The following HTR1F variants were observed in gnomAD, a reference collection of about 807,000 sequenced individuals.
The protein encoded by HTR1F is 5-hydroxytryptamine receptor 1F.
Under a neutral mutation model 24.0 loss-of-function variants are expected in HTR1F, and 17 were observed. The ratio of observed to expected loss-of-function variants is 0.71; its 90% CI spans 0.48 to 1.06. HTR1F has a LOEUF of 1.06. HTR1F is among the 50% of genes least tolerant of loss of function. HTR1F has a pLI of 0.00. For missense variants in HTR1F, 391 were observed against 427.8 expected, an observed-to-expected ratio of 0.91 and a Z score of 0.76; for synonymous variants, 186 against 156.8, an observed-to-expected ratio of 1.19 and a Z score of -1.39.
chr3:87,800,410 T>G (rs1184669547), intron 1 of HTR1F, among the ~76,000 whole-genome samples: 1 of 152,226 alleles, frequency 6.6e-6, no homozygotes, highest in African/African-American at 2.4e-5. Context: ...TGGCAAATTC[T>G]TAGTCATTTG....
At position 87,851,599 on chromosome 3, in the gene HTR1F, A is replaced by C. The variant is rs181635716; in HGVS notation, c.-43+29475A>C. ...CCAACTATGCTAACTCAATCTTTTT[A>C]ATGACAGTCTAATATTCCATGCTGT... is the stretch of plus-strand genomic sequence containing the variant. On this transcript the variant is annotated intron_variant, in intron 2 of 2. Coordinates refer to ENST00000319595, the MANE Select transcript of HTR1F (RefSeq NM_001322209.2). Among the ~76,000 whole-genome samples the C allele has an allele frequency of 1.5e-3, 222 of 151,732 alleles. 4 individuals are homozygous for C. Among genetic ancestry groups the C allele is most frequent in the African/African-American group, 5.2e-3 (213 of 41,274 alleles).
At chr3:87,930,379 C>A (rs369515158) in intron 2 of HTR1F, among the ~76,000 whole-genome samples, 1 of 152,174 alleles carries the variant, frequency 6.6e-6, no homozygotes, top group Non-Finnish European at 1.5e-5. Context: ...AAGGGAAATG[C>A]TTCCAGCTTT....
At chr3:87,847,380 T>G (rs1704968642) in intron 2 of HTR1F, among the ~76,000 whole-genome samples, 1 of 151,958 alleles carries the variant, frequency 6.6e-6, no homozygotes, top group South Asian at 2.1e-4. Context: ...TTTTGAAAAT[T>G]TTATATATCT....
intron 2 of HTR1F, among the ~76,000 whole-genome samples, chr3:87,954,763 G>A (rs1316860579): frequency 6.6e-6 from 1 of 151,494 alleles, no homozygotes; most frequent in African/African-American, 2.4e-5. Flanking sequence ...GTGGAATAAT[G>A]GAAGTAATAA....
At chr3:87,894,564 T>A (rs1221166883) in intron 2 of HTR1F, among the ~76,000 whole-genome samples, 1 of 139,536 alleles carries the variant, frequency 7.2e-6, no homozygotes, top group Non-Finnish European at 1.6e-5. Flanking sequence ...AGCCTCTTTT[T>A]TTTTTTTTTT....
At chr3:87,975,042 T>C (rs1705364782) in intron 2 of HTR1F, among the ~76,000 whole-genome samples, 1 of 152,160 alleles carries the variant, frequency 6.6e-6, no homozygotes, top group Non-Finnish European at 1.5e-5. Flanking sequence ...TATAATTTTA[T>C]CTAAAACATA....
At chr3:87,967,872 G>A (rs182474489) in intron 2 of HTR1F, among the ~76,000 whole-genome samples, 101 of 152,274 alleles carry the variant, frequency 6.6e-4, no homozygotes, top group African/African-American at 2.4e-3. Flanking sequence ...AGTATAGTAG[G>A]GCGCAGCTGT....
chr3:87,794,849 T>C (rs1479857827), intron 1 of HTR1F, among the ~76,000 whole-genome samples: 1 of 152,172 alleles, frequency 6.6e-6, no homozygotes, highest in Non-Finnish European at 1.5e-5. Flanking sequence ...AGTTATATTG[T>C]TTTTATTGTT....
At chr3:87,990,505 T>C (rs1359121139) in intron 2 of HTR1F, among the ~76,000 whole-genome samples, 1 of 152,242 alleles carries the variant, frequency 6.6e-6, no homozygotes, top group African/African-American at 2.4e-5. Context: ...AGAAATGTTT[T>C]GGAAGTTACT....
At chr3:87,796,546 G>A (rs1703909095) in intron 1 of HTR1F, among the ~76,000 whole-genome samples, 1 of 152,150 alleles carries the variant, frequency 6.6e-6, no homozygotes, top group South Asian at 2.1e-4. Flanking sequence ...TTCTAGAGCA[G>A]TCCAAAATAT....
intron 1 of HTR1F, among the ~76,000 whole-genome samples, chr3:87,796,121 C>T (rs1232783836): frequency 6.6e-6 from 1 of 152,134 alleles, no homozygotes; most frequent in Admixed American, 6.5e-5. Flanking sequence ...CAGGCAGTCA[C>T]TAGTGTTTGC....
intron 2 of HTR1F, among the ~76,000 whole-genome samples, chr3:87,858,092 G>C (rs1365059229): frequency 6.6e-6 from 1 of 152,104 alleles, no homozygotes; most frequent in African/African-American, 2.4e-5. Context: ...CTCTACCCTA[G>C]TCCCACAAAC....
chr3:87,841,711 C>T (rs2938281), intron 2 of HTR1F, among the ~76,000 whole-genome samples: 9,843 of 151,256 alleles, frequency 0.065, 1,101 homozygotes, highest in African/African-American at 0.22. Flanking sequence ...ACCAGCCTGG[C>T]CGACATGGTG....
chr3:87,955,147 C>A (rs1355186220), intron 2 of HTR1F, among the ~76,000 whole-genome samples: 1 of 151,408 alleles, frequency 6.6e-6, no homozygotes, highest in South Asian at 2.1e-4. Flanking sequence ...GAAGCCACCA[C>A]CATAATCAAA....
At chr3:87,833,599 T>G (rs1704625115) in intron 2 of HTR1F, among the ~76,000 whole-genome samples, 1 of 152,104 alleles carries the variant, frequency 6.6e-6, no homozygotes, top group South Asian at 2.1e-4. Flanking sequence ...ATTCCTGGGC[T>G]CAAGGGATCC....
intron 1 of HTR1F, among the ~76,000 whole-genome samples, chr3:87,806,066 C>T (rs1007755725): frequency 3.3e-5 from 5 of 152,068 alleles, no homozygotes; most frequent in African/African-American, 1.2e-4. Flanking sequence ...CAGTTCCATG[C>T]ACATGACTGC....
chr3:87,932,703 A>G (rs1167890234), intron 2 of HTR1F, among the ~76,000 whole-genome samples: 1 of 151,936 alleles, frequency 6.6e-6, no homozygotes, highest in Non-Finnish European at 1.5e-5. Context: ...AAATTGTGGC[A>G]ATAATCAATA....
intron 1 of HTR1F, among the ~76,000 whole-genome samples, chr3:87,819,781 A>G (rs1704319298): frequency 6.6e-6 from 1 of 151,998 alleles, no homozygotes; most frequent in Non-Finnish European, 1.5e-5. Flanking sequence ...GGGCAAAAAC[A>G]TTTCTATATA....
chr3:87,967,039 G>C (rs2107488969), intron 2 of HTR1F, among the ~76,000 whole-genome samples: 1 of 152,232 alleles, frequency 6.6e-6, no homozygotes, highest in South Asian at 2.1e-4. Flanking sequence ...ACTTAGAAAA[G>C]TTCTACTACG....
Sources: allele counts gnomAD v4.1 joint callset (sites outside exome capture counted in the v4.1 genomes callset), GRCh38; gene constraint gnomAD v4.1.1; transcripts MANE v1.5; gene names NCBI Gene and HGNC (gene_info 2026-07-23, HGNC 2026-07-21).